Variants in ICMT observed in about 807,000 individuals in gnomAD.
ICMT encodes protein-S-isoprenylcysteine O-methyltransferase.
ICMT carries 10 observed loss-of-function variants against 32.2 expected under a neutral mutation model. That is an observed-to-expected ratio of 0.31 (90% confidence interval 0.19 to 0.53). ICMT has a LOEUF of 0.53. ICMT is among the 20% of genes least tolerant of loss of function. ICMT has a pLI of 0.96. For synonymous variants in ICMT, 183 were observed against 158.2 expected (o/e 1.16, Z -1.18); for missense variants, 265 against 356.9 (o/e 0.74, Z 2.07).
At position 6,224,963 on chromosome 1, in the gene ICMT, G is replaced by A; in HGVS notation, c.*117C>T. On this transcript the variant is annotated 3_prime_UTR_variant, in exon 5 of 5. Coordinates refer to ENST00000343813, the MANE Select transcript of ICMT (RefSeq NM_012405.4). ...CTTGGTCTTGAGTGACATTCCAGAA[G>A]AGTGACTAATGACATAAAACGATTA... The A allele has an allele frequency of 4.2e-6, 4 of 943,782 alleles. No homozygotes were observed. Among genetic ancestry groups the A allele is most frequent in the South Asian group, 3.2e-5 (2 of 62,972 alleles). The allele number at this position is 943,782 out of a possible 1,614,324, so 58.5% of individuals were successfully genotyped here. A position where few individuals can be genotyped will look rare whatever the true frequency, so the allele number is the denominator to read the frequency against.
At chr1:6,230,165 A>T (rs1668710890) in intron 4 of ICMT, among the ~76,000 whole-genome samples, 1 of 151,910 alleles carries the variant, frequency 6.6e-6, no homozygotes, top group African/African-American at 2.4e-5. Flanking sequence ...CCCAGGCTGG[A>T]GTGCAGTGGC....
At chr1:6,232,882 G>A (rs1049066077) in intron 3 of ICMT, among the ~76,000 whole-genome samples, 9 of 144,100 alleles carry the variant, frequency 6.2e-5, no homozygotes, top group African/African-American at 2.3e-4. Flanking sequence ...TTTGAGATGG[G>A]AGTCTCGCTC....
intron 4 of ICMT, among the ~76,000 whole-genome samples, chr1:6,231,525 A>AGTGAGACCTGCCCAGGCAACACT (rs1668736574): frequency 1.3e-5 from 2 of 151,390 alleles, no homozygotes; most frequent in Non-Finnish European, 2.9e-5. Context: ...CAGGCAACAC[A>AGTGAGACCTGCCCAGGCAACACT]GTAAGACCCT....
At chr1:6,232,221 A>T in intron 3 of ICMT, 102 bp from the exon 4 acceptor site, 1 of 788,250 alleles carries the variant, frequency 1.3e-6, no homozygotes, top group Non-Finnish European at 2.0e-6. Flanking sequence ...AGACAGAAAC[A>T]GAAAATGTGC....
rs934791929 is a variant in ICMT, at chr1:6,221,295, A to C, written c.*3785T>G. 1 of 152,660 alleles carries C rather than the reference A, an allele frequency of 6.6e-6. No homozygotes were observed. Among genetic ancestry groups the C allele is most frequent in the Non-Finnish European group, 1.5e-5 (1 of 68,042 alleles). 9.5% of individuals were successfully genotyped at this position (152,660 alleles called of 1,614,324 possible). On this transcript the variant is annotated 3_prime_UTR_variant, in exon 5 of 5. Coordinates refer to ENST00000343813, the MANE Select transcript of ICMT (RefSeq NM_012405.4). ...ATATTTAAATAAACATTTATGTAAA[A>C]AGAAGAGTAGAATAATTACTCCGTT...
chr1:6,234,002 C>G (rs1177795801), intron 2 of ICMT, among the ~76,000 whole-genome samples: 9 of 152,150 alleles, frequency 5.9e-5, no homozygotes, highest in Admixed American at 3.9e-4. Context: ...GTGCCCACCA[C>G]CACGCCCAGT....
intron 3 of ICMT, 70 bp from the exon 4 acceptor site, chr1:6,232,189 T>A: frequency 9.1e-7 from 1 of 1,093,616 alleles, no homozygotes; most frequent in Middle Eastern, 2.7e-4. Context: ...TCGCACTGCT[T>A]AAAATTAACC....
intron 4 of ICMT, among the ~76,000 whole-genome samples, chr1:6,228,526 T>C (rs754735445): frequency 4.6e-5 from 7 of 152,022 alleles, no homozygotes; most frequent in Non-Finnish European, 1.0e-4. Flanking sequence ...GTATTTTTAG[T>C]AGAGATGAGG....
chr1:6,228,702 C>T (rs1668682711), intron 4 of ICMT, among the ~76,000 whole-genome samples: 1 of 152,026 alleles, frequency 6.6e-6, no homozygotes, highest in Admixed American at 6.6e-5. Flanking sequence ...CTCCCAAAGC[C>T]ACTGTGCCTA....
rs1215529761 is a variant in ICMT, at chr1:6,221,448, A to C, written c.*3632T>G. ...GTAGGCACTTCCCAGCATGACAGAG[A>C]GGCCGAGGCCTTCTAACCTTGCCAA... On this transcript the variant is annotated 3_prime_UTR_variant, in exon 5 of 5. Transcript: ENST00000343813. 1 of 152,640 alleles carries C rather than the reference A, an allele frequency of 6.6e-6. No individual in the cohort carries two copies. Among genetic ancestry groups the C allele is most frequent in the Admixed American group, 6.5e-5 (1 of 15,272 alleles). 9.5% of individuals were successfully genotyped at this position (152,640 alleles called of 1,614,324 possible). A position where few individuals can be genotyped will look rare whatever the true frequency, so the allele number is the denominator to read the frequency against.
chr1:6,225,647 G>T (rs779776019), intron 4 of ICMT, among the ~76,000 whole-genome samples: 1 of 151,982 alleles, frequency 6.6e-6, no homozygotes, highest in Non-Finnish European at 1.5e-5. Flanking sequence ...AGCTGCCTGG[G>T]CCTCTGCCTC....
chr1:6,232,628 A>T (rs932465810), intron 3 of ICMT, among the ~76,000 whole-genome samples: 40 of 152,200 alleles, frequency 2.6e-4, no homozygotes, highest in Non-Finnish European at 1.5e-4. Flanking sequence ...AGCTCACTGC[A>T]ACCTCCATCT....
chr1:6,231,262 TCACTAA>T (rs958304924), intron 4 of ICMT, among the ~76,000 whole-genome samples: 4 of 151,816 alleles, frequency 2.6e-5, no homozygotes, highest in Admixed American at 2.0e-4. Flanking sequence ...CTCACACAGC[TCACTAA>T]CACATGGCCT....
intron 3 of ICMT, among the ~76,000 whole-genome samples, chr1:6,232,861 CTTTT>C (rs59948131): frequency 7.1e-6 from 1 of 140,332 alleles, no homozygotes; most frequent in East Asian, 2.1e-4. Context: ...TTAGTAAACT[CTTTT>C]TTTTTTTTTG....
rs146685792 is a variant in ICMT, at chr1:6,224,340, C to T, written c.*740G>A. 1.4e-4 allele frequency: 21 copies of T among 152,314 alleles called. No homozygotes were observed. The highest frequency in any genetic ancestry group is 4.6e-4 in the African/African-American group (19 of 41,566). 9.4% of individuals were successfully genotyped at this position (152,314 alleles called of 1,614,324 possible). A position where few individuals can be genotyped will look rare whatever the true frequency, so the allele number is the denominator to read the frequency against. ...AGCTGAGACCCCCGGGAAAGCCAGCCAGGGCCATGATCCCCTTGGCCTGGG... is the reference window on the plus strand; with the variant it reads ...AGCTGAGACCCCCGGGAAAGCCAGCTAGGGCCATGATCCCCTTGGCCTGGG... On this transcript the variant is annotated 3_prime_UTR_variant, in exon 5 of 5. Transcript: ENST00000343813.
intron 4 of ICMT, among the ~76,000 whole-genome samples, chr1:6,231,460 A>G (rs972284134): frequency 6.6e-6 from 1 of 152,004 alleles, no homozygotes; most frequent in Non-Finnish European, 1.5e-5. Flanking sequence ...TAATGCTAGC[A>G]CTTTGCGAGG....
Position 6,221,523 on chromosome 1 carries a change from G to C in ICMT, c.*3557C>G, listed in dbSNP as rs1308146377. ...GGGCAAGCCCAACTACCTAAGGCAGGAAGAAAGTGCAGTGAAGGGACAGTG... is the reference window on the plus strand; with the variant it reads ...GGGCAAGCCCAACTACCTAAGGCAGCAAGAAAGTGCAGTGAAGGGACAGTG... On this transcript the variant is annotated 3_prime_UTR_variant, in exon 5 of 5. Transcript: ENST00000343813. The C allele has an allele frequency of 6.5e-6, 1 of 152,712 alleles. No homozygotes were observed. The highest frequency in any genetic ancestry group is 1.9e-4 in the East Asian group (1 of 5,198). 9.5% of individuals were successfully genotyped at this position (152,712 alleles called of 1,614,324 possible). A position where few individuals can be genotyped will look rare whatever the true frequency, so the allele number is the denominator to read the frequency against.
In ICMT at chr1:6,222,724, C is replaced by A. The variant is rs968436114; in HGVS notation, c.*2356G>T. 1 of 152,246 alleles carries A rather than the reference C, an allele frequency of 6.6e-6. No homozygotes were observed. The highest frequency in any genetic ancestry group is 2.4e-5 in the African/African-American group (1 of 41,456). The allele number at this position is 152,246 out of a possible 1,614,324, so 9.4% of individuals were successfully genotyped here. A position where few individuals can be genotyped will look rare whatever the true frequency, so the allele number is the denominator to read the frequency against. ...CACAGTCAGCTTACCATCCACAAGG[C>A]CAGCAGCTGCCAACAGCTGCCCTAG... On this transcript the variant is annotated 3_prime_UTR_variant, in exon 5 of 5. Transcript: ENST00000343813.
rs762149296 is a variant in ICMT at position 6,225,216 on chromosome 1, A to G, written c.719T>C (p.Val240Ala). ...PICGVSYALT[V>A]WRFFRDRTEE... ...TGTTCGATCGCGGAAGAATCGCCAC[A>G]CTGTCAGGGCATAGCTGACGCCGCA... The change falls in exon 5 of 5, where the codon GTG (valine) becomes GCG (alanine). Residue 240 changes from valine to alanine, a missense_variant. Around this residue, in one of 2 missense-constraint regions of ICMT, gnomAD observed 166 missense variants for 264.3 expected, o/e 0.63. Coordinates refer to ENST00000343813, the MANE Select transcript of ICMT (RefSeq NM_012405.4). 17 of 1,614,054 alleles carry G rather than the reference A, an allele frequency of 1.1e-5. No individual in the cohort carries two copies. In the East Asian group the frequency reaches 2.2e-4, roughly 21 times the overall value.
Sources: gnomAD v4.1 joint callset for allele counts (sites outside exome capture counted in the v4.1 genomes callset) on GRCh38, gnomAD v4.1.1 for gene constraint, gnomAD v4.1.1 regional missense constraint, MANE v1.5 for transcripts, NCBI Gene and HGNC (gene_info 2026-07-23, HGNC 2026-07-21) for gene names.